PXDNL: variants seen among roughly 807,000 people sequenced by gnomAD.
PXDNL encodes the protein probable oxidoreductase PXDNL.
Under a neutral mutation model 150.8 loss-of-function variants are expected in PXDNL, and 145 were observed. That is an observed-to-expected ratio of 0.96 (90% confidence interval 0.84 to 1.10). The LOEUF (loss-of-function observed/expected upper bound fraction) is 1.10. Ranked by LOEUF, PXDNL falls within the 50% of genes least tolerant of loss-of-function variation. The pLI is 0.00. For missense variants in PXDNL, 2,087 were observed against 1,873.9 expected, an observed-to-expected ratio of 1.11 and a Z score of -2.10; for synonymous variants, 757 against 725.7, an observed-to-expected ratio of 1.04 and a Z score of -0.69.
chr8:51,470,274 T>C (rs1418523353), intron 8 of PXDNL, among the ~76,000 whole-genome samples: 1 of 152,154 alleles, frequency 6.6e-6, no homozygotes, highest in Non-Finnish European at 1.5e-5. Context: ...AATTGCCTTC[T>C]ATACAAGCTA....
At chr8:51,467,699 TAATGGGTCTCAAAGTTTATA>T (rs2130068016) in intron 8 of PXDNL, among the ~76,000 whole-genome samples, 1 of 152,200 alleles carries the variant, frequency 6.6e-6, no homozygotes, top group East Asian at 1.9e-4. Flanking sequence ...CAACATCTTC[TAATGGGTCTCAAAGTTTATA>T]AACTGAAAGC....
intron 1 of PXDNL, among the ~76,000 whole-genome samples, chr8:51,668,319 C>T (rs918375135): frequency 6.6e-6 from 1 of 151,670 alleles, no homozygotes; most frequent in African/African-American, 2.4e-5. Flanking sequence ...GAACTACAGG[C>T]GAGCACCACC....
chr8:51,506,361 T>C (rs1025106417), intron 4 of PXDNL, among the ~76,000 whole-genome samples: 4 of 151,760 alleles, frequency 2.6e-5, no homozygotes, highest in African/African-American at 9.7e-5. Flanking sequence ...GCCAACATGG[T>C]GAAACCCCGT....
rs1239586301 is a variant in PXDNL at position 51,654,723 on chromosome 8, T to C, written c.202A>G (p.Ser68Gly). The C allele has an allele frequency of 3.7e-6, 6 of 1,613,488 alleles. No individual in the cohort carries two copies. Among genetic ancestry groups the C allele is most frequent in the Non-Finnish European group, 5.1e-6 (6 of 1,179,672 alleles). Residue 68 changes from serine (S) to glycine (G), a missense_variant, in exon 2 of 23, where the codon AGC (serine) becomes GGC (glycine). By Grantham distance (56) the Ser-to-Gly change is moderately conservative. Transcript: ENST00000356297. Reference sequence around the variant, plus strand: ...AAATTCTTGAGTTTCTTGAAGGCGCTCCCTGGAATTTCTCTTATTCTGTTA... The same window carrying C: ...AAATTCTTGAGTTTCTTGAAGGCGCCCCCTGGAATTTCTCTTATTCTGTTA... Reference protein sequence around the residue: ...RFNRIREIPGSAFKKLKNLNT... With the variant: ...RFNRIREIPGGAFKKLKNLNT...
chr8:51,624,753 G>C (rs559679207), intron 2 of PXDNL, among the ~76,000 whole-genome samples: 22 of 150,706 alleles, frequency 1.5e-4, no homozygotes, highest in African/African-American at 5.3e-4. Context: ...CCCAGGGAAT[G>C]TGACATAGCC....
At chr8:51,577,454 T>C (rs1446287656) in intron 3 of PXDNL, among the ~76,000 whole-genome samples, 1 of 150,656 alleles carries the variant, frequency 6.6e-6, no homozygotes, top group African/African-American at 2.4e-5. Context: ...TTTTATTTAT[T>C]ACTTTGAAAA....
Position 51,423,564 on chromosome 8 carries a change from T to A in PXDNL, c.1795+11A>T. On this transcript the variant is annotated intron_variant, in intron 14 of 22. Transcript: ENST00000356297. ...TATTTGGATGTTGTAAATGGAGCTA[T>A]AGACACCTACCCGTGACTGTAAGAA... 6.2e-7 allele frequency: 1 copy of A among 1,612,218 alleles called. No individual in the cohort carries two copies. The highest frequency in any genetic ancestry group is 8.5e-7 in the Non-Finnish European group (1 of 1,178,918).
chr8:51,400,808 T>C (rs1808225622), intron 17 of PXDNL, among the ~76,000 whole-genome samples: 1 of 152,234 alleles, frequency 6.6e-6, no homozygotes, highest in Non-Finnish European at 1.5e-5. Flanking sequence ...CAAAAGATTA[T>C]AATACATCAT....
intron 17 of PXDNL, among the ~76,000 whole-genome samples, chr8:51,398,864 C>T (rs1292243982): frequency 2.6e-5 from 4 of 152,072 alleles, no homozygotes; most frequent in South Asian, 2.1e-4. Flanking sequence ...CACTATTATA[C>T]ATGTATTTAA....
chr8:51,592,560 A>T, intron 3 of PXDNL, 67 bp downstream of exon 3: 1 of 962,380 alleles, frequency 1.0e-6, no homozygotes, highest in Non-Finnish European at 1.6e-6. Context: ...TAAAGTAAAC[A>T]CACACAAAAA....
At chr8:51,785,306 C>A (rs2037450691) in intron 1 of PXDNL, among the ~76,000 whole-genome samples, 1 of 151,988 alleles carries the variant, frequency 6.6e-6, no homozygotes, top group South Asian at 2.1e-4. Flanking sequence ...TGAGGACATG[C>A]ACATTCAAGG....
chr8:51,340,133 C>T (rs1330881771), intron 20 of PXDNL: 1 of 155,898 alleles, frequency 6.4e-6, no homozygotes, highest in African/African-American at 2.4e-5. Context: ...TTTAATATAA[C>T]ATATTATCCA....
chr8:51,777,410 A>T (rs2037364539), intron 1 of PXDNL, among the ~76,000 whole-genome samples: 1 of 152,358 alleles, frequency 6.6e-6, no homozygotes, highest in East Asian at 1.9e-4. Context: ...ATAAATCAGA[A>T]CAAGAAAGTG....
At chr8:51,470,321 T>G (rs1288392883) in intron 8 of PXDNL, among the ~76,000 whole-genome samples, 1 of 152,130 alleles carries the variant, frequency 6.6e-6, no homozygotes. Context: ...TTACAAGAAT[T>G]TAAAACACAT....
At chr8:51,744,468 C>G (rs1295930540) in intron 1 of PXDNL, among the ~76,000 whole-genome samples, 1 of 150,034 alleles carries the variant, frequency 6.7e-6, no homozygotes, top group Non-Finnish European at 1.5e-5. Flanking sequence ...GAGATCGAGA[C>G]CATCCTAGCT....
At chr8:51,748,864 A>G (rs2037013748) in intron 1 of PXDNL, among the ~76,000 whole-genome samples, 1 of 152,180 alleles carries the variant, frequency 6.6e-6, no homozygotes, top group Non-Finnish European at 1.5e-5. Context: ...CTACTGGGAG[A>G]GTGCAGTGTT....
At chr8:51,338,741 C>T (rs1258074857) in intron 21 of PXDNL, among the ~76,000 whole-genome samples, 1 of 152,176 alleles carries the variant, frequency 6.6e-6, no homozygotes, top group East Asian at 1.9e-4. Flanking sequence ...AAGTCTTTTC[C>T]TTCTTGTTGA....
intron 17 of PXDNL, among the ~76,000 whole-genome samples, chr8:51,380,075 A>G (rs1255592142): frequency 6.6e-6 from 1 of 152,060 alleles, no homozygotes; most frequent in Non-Finnish European, 1.5e-5. Context: ...AAAAAGAAGA[A>G]GTGTCTTGGG....
chr8:51,485,838 A>T (rs1482364477), intron 5 of PXDNL, among the ~76,000 whole-genome samples: 1 of 152,230 alleles, frequency 6.6e-6, no homozygotes, highest in East Asian at 1.9e-4. Context: ...TTTCTTCAAC[A>T]GTGTGCAGAT....
Sources: allele counts gnomAD v4.1 joint callset (sites outside exome capture counted in the v4.1 genomes callset), GRCh38; gene constraint gnomAD v4.1.1; transcripts MANE v1.5; gene names NCBI Gene and HGNC (gene_info 2026-07-23, HGNC 2026-07-21).